EYS: variants seen among roughly 807,000 people sequenced by gnomAD.
EYS encodes the protein protein eyes shut homolog.
EYS carries 250 observed loss-of-function variants against 282.1 expected under a neutral mutation model. The ratio of observed to expected loss-of-function variants is 0.89; its 90% confidence interval spans 0.80 to 0.98. The LOEUF is 0.98. EYS is among the 50% of genes least tolerant of loss of function. The probability of loss-of-function intolerance (pLI) is 0.00; values close to 1 mark genes in which losing one functional copy is unlikely to be tolerated. For synonymous variants in EYS, 1,355 were observed against 1,282.9 expected (o/e 1.06, Z -1.20); for missense variants, 4,016 against 3,709.0 (o/e 1.08, Z -2.15).
intron 22 of EYS, among the ~76,000 whole-genome samples, chr6:64,659,766 T>G (rs1431661282): frequency 1.3e-5 from 2 of 152,002 alleles, no homozygotes. Flanking sequence ...CCAAAAAAAG[T>G]GCAGGACCAG....
intron 40 of EYS, among the ~76,000 whole-genome samples, chr6:63,763,607 C>T (rs976939889): frequency 2.6e-5 from 4 of 151,590 alleles, no homozygotes; most frequent in Non-Finnish European, 2.9e-5. Flanking sequence ...TTATAAGGGG[C>T]TTCCTTCTTC....
intron 12 of EYS, among the ~76,000 whole-genome samples, chr6:65,232,820 T>C (rs1279794866): frequency 3.3e-5 from 5 of 152,152 alleles, no homozygotes; most frequent in Non-Finnish European, 1.5e-5. Flanking sequence ...TGACCCATAA[T>C]AACCCTCAAG....
At chr6:65,657,994 A>G (rs1234709533) in intron 1 of EYS, among the ~76,000 whole-genome samples, 1 of 151,828 alleles carries the variant, frequency 6.6e-6, no homozygotes, top group Non-Finnish European at 1.5e-5. Flanking sequence ...GATCACTGGA[A>G]TTTTTTAGCA....
intron 12 of EYS, among the ~76,000 whole-genome samples, chr6:65,220,047 CTCA>C (rs1270119506): frequency 6.6e-6 from 1 of 152,110 alleles, no homozygotes; most frequent in Non-Finnish European, 1.5e-5. Context: ...CTTTCTTCCT[CTCA>C]TCTATAAGCC....
chr6:64,271,347 A>C (rs955579207), intron 30 of EYS, among the ~76,000 whole-genome samples: 2 of 151,990 alleles, frequency 1.3e-5, no homozygotes, highest in African/African-American at 4.8e-5. Context: ...TGATTTTTGT[A>C]TTATCTGGGA....
rs189241403 is a variant in EYS, at chr6:64,476,351, A to C, written c.5645-36999T>G. Reference sequence around the variant, plus strand: ...TTAACATGTGAATAAATAACATAAAAAGAAGTGATGTATTAATATTATTTT... The same window carrying C: ...TTAACATGTGAATAAATAACATAAACAGAAGTGATGTATTAATATTATTTT... On this transcript the variant is annotated intron_variant, in intron 26 of 42. Coordinates refer to ENST00000503581, the MANE Select transcript of EYS (RefSeq NM_001142800.2). 2.0e-5 allele frequency among the ~76,000 whole-genome samples: 3 copies of C among 152,024 alleles called. No homozygotes were observed. In the East Asian group the frequency reaches 5.8e-4, roughly 29 times the overall value.
chr6:65,402,387 G>T (rs1766541662), intron 7 of EYS, 91 bp downstream of exon 7: 1 of 926,346 alleles, frequency 1.1e-6, no homozygotes, highest in African/African-American at 1.7e-5. Flanking sequence ...GTAAAAGTTA[G>T]GGTTAAAACC....
At chr6:65,124,451 A>G (rs961181302) in intron 12 of EYS, among the ~76,000 whole-genome samples, 1 of 152,180 alleles carries the variant, frequency 6.6e-6, no homozygotes, top group African/African-American at 2.4e-5. Context: ...TATGTAATTC[A>G]CAAATTATAA....
At chr6:65,270,261 A>G (rs906985053) in intron 12 of EYS, among the ~76,000 whole-genome samples, 1 of 152,140 alleles carries the variant, frequency 6.6e-6, no homozygotes, top group Admixed American at 6.5e-5. Flanking sequence ...TAGCAAGGAA[A>G]CTCCAGGTGA....
intron 11 of EYS, among the ~76,000 whole-genome samples, chr6:65,305,444 T>C (rs1768978700): frequency 6.6e-6 from 1 of 152,220 alleles, no homozygotes; most frequent in Non-Finnish European, 1.5e-5. Context: ...TGTTAGATTG[T>C]ATGTCTTTTT....
intron 5 of EYS, among the ~76,000 whole-genome samples, chr6:65,484,640 T>C (rs1389690597): frequency 2.0e-5 from 3 of 152,182 alleles, no homozygotes; most frequent in Non-Finnish European, 2.9e-5. Flanking sequence ...TCCAGCACAA[T>C]GTTTCCAGGC....
intron 24 of EYS, among the ~76,000 whole-genome samples, chr6:64,594,991 T>A (rs1437067840): frequency 6.6e-6 from 1 of 151,634 alleles, no homozygotes; most frequent in African/African-American, 2.4e-5. Context: ...GACAAGAACA[T>A]AAAAAAATCC....
At chr6:64,823,874 C>A (rs1583195639) in intron 19 of EYS, among the ~76,000 whole-genome samples, 1 of 151,840 alleles carries the variant, frequency 6.6e-6, no homozygotes, top group South Asian at 2.1e-4. Context: ...CCGTGGATAC[C>A]AATTGGAAAA....
intron 30 of EYS, among the ~76,000 whole-genome samples, chr6:64,268,164 T>G (rs1275753749): frequency 6.6e-6 from 1 of 152,072 alleles, no homozygotes; most frequent in African/African-American, 2.4e-5. Context: ...TCCATAAAAT[T>G]AAATATCATG....
intron 2 of EYS, among the ~76,000 whole-genome samples, chr6:65,594,949 G>A (rs967850143): frequency 9.2e-5 from 14 of 152,002 alleles, no homozygotes; most frequent in Admixed American, 3.9e-4. Context: ...GTTTTGGTCA[G>A]GTTTGCCAAA....
chr6:64,310,024 C>T (rs866470868), intron 29 of EYS, among the ~76,000 whole-genome samples: 144 of 147,160 alleles, frequency 9.8e-4, no homozygotes, highest in African/African-American at 3.4e-3. Flanking sequence ...AATGAGATAC[C>T]ATCTCACACC....
intron 30 of EYS, among the ~76,000 whole-genome samples, chr6:64,273,158 T>A (rs1683707498): frequency 6.6e-6 from 1 of 152,204 alleles, no homozygotes; most frequent in African/African-American, 2.4e-5. Flanking sequence ...GCTTACTATG[T>A]GTCTCTTTAT....
At chr6:64,569,345 A>G (rs1332929145) in intron 26 of EYS, among the ~76,000 whole-genome samples, 7 of 152,012 alleles carry the variant, frequency 4.6e-5, no homozygotes, top group Admixed American at 3.9e-4. Context: ...TTCATGAAGC[A>G]TACACAAGTA....
intron 26 of EYS, among the ~76,000 whole-genome samples, chr6:64,550,088 A>G (rs1765022337): frequency 6.6e-6 from 1 of 152,196 alleles, no homozygotes; most frequent in South Asian, 2.1e-4. Flanking sequence ...ATGGCTGCAT[A>G]GTATTCCATG....
Sources: allele counts gnomAD v4.1 joint callset (sites outside exome capture counted in the v4.1 genomes callset), GRCh38; gene constraint gnomAD v4.1.1; transcripts MANE v1.5; gene names NCBI Gene and HGNC (gene_info 2026-07-23, HGNC 2026-07-21).